Variants in COX7B2 observed in about 807,000 individuals in gnomAD.
The protein encoded by COX7B2 is cytochrome c oxidase subunit 7B2, mitochondrial.
For synonymous variants in COX7B2, 37 were observed against 32.1 expected, an observed-to-expected ratio of 1.15 and a Z score of -0.51; for missense variants, 109 against 95.9, an observed-to-expected ratio of 1.14 and a Z score of -0.57.
intron 2 of COX7B2, among the ~76,000 whole-genome samples, chr4:46,814,014 A>AT (rs2109670517): frequency 6.6e-6 from 1 of 152,336 alleles, no homozygotes; most frequent in Non-Finnish European, 1.5e-5. Flanking sequence ...AAAGGCAATT[A>AT]TCAAAAAGAC....
intron 2 of COX7B2, among the ~76,000 whole-genome samples, chr4:46,812,133 A>T (rs1158642431): frequency 6.6e-6 from 1 of 152,142 alleles, no homozygotes; most frequent in African/African-American, 2.4e-5. Context: ...GGAATATAGG[A>T]CACATATGCT....
chr4:46,804,292 C>T (rs1718850962), intron 2 of COX7B2, among the ~76,000 whole-genome samples: 1 of 152,296 alleles, frequency 6.6e-6, no homozygotes, highest in African/African-American at 2.4e-5. Flanking sequence ...AAGAACGAAG[C>T]TTCCACGGTA....
chr4:46,788,807 G>C (rs1161150427), intron 2 of COX7B2, among the ~76,000 whole-genome samples: 1 of 152,152 alleles, frequency 6.6e-6, no homozygotes, highest in Admixed American at 6.5e-5. Flanking sequence ...TGGAAAACAT[G>C]ATTTCATCTA....
At chr4:46,840,941 A>G (rs913112411) in intron 2 of COX7B2, among the ~76,000 whole-genome samples, 1 of 152,040 alleles carries the variant, frequency 6.6e-6, no homozygotes, top group Non-Finnish European at 1.5e-5. Flanking sequence ...GAAGTACAGA[A>G]GGCTGTCACT....
intron 2 of COX7B2, among the ~76,000 whole-genome samples, chr4:46,834,568 C>G (rs540031025): frequency 1.3e-5 from 2 of 152,088 alleles, no homozygotes; most frequent in Admixed American, 1.3e-4. Flanking sequence ...ATTCAGAAAA[C>G]AAATAAAAAC....
At chr4:46,901,186 A>C (rs1577716529) in intron 1 of COX7B2, among the ~76,000 whole-genome samples, 2 of 152,294 alleles carry the variant, frequency 1.3e-5, no homozygotes. Flanking sequence ...TATTTGTGAT[A>C]TCTTGGGGTG....
Position 46,867,248 on chromosome 4 carries a change from G to A in COX7B2, c.-104-22234C>T, listed in dbSNP as rs116451251. ...CCTACACTCATAAGATCAGCAGGAA[G>A]CAGTTACAGAAGATGGACCTCCACT... On this transcript the variant is annotated intron_variant, in intron 1 of 2. Transcript: ENST00000355591. Among the ~76,000 whole-genome samples the A allele has an allele frequency of 4.5e-3, 680 of 152,300 alleles. 7 individuals are homozygous for A. The highest frequency in any genetic ancestry group is 0.016 in the African/African-American group (659 of 41,558).
At chr4:46,840,533 AGCT>A (rs1715862308) in intron 2 of COX7B2, among the ~76,000 whole-genome samples, 1 of 152,014 alleles carries the variant, frequency 6.6e-6, no homozygotes, top group Non-Finnish European at 1.5e-5. Context: ...GTCAACTAAC[AGCT>A]GCTTCCCCAT....
chr4:46,846,657 G>GA (rs555285927), intron 1 of COX7B2, among the ~76,000 whole-genome samples: 7 of 152,022 alleles, frequency 4.6e-5, no homozygotes, highest in African/African-American at 1.7e-4. Context: ...GGAATGGAAT[G>GA]AAAAAGGGAA....
chr4:46,877,225 A>G (rs185314096), intron 1 of COX7B2, among the ~76,000 whole-genome samples: 58 of 152,348 alleles, frequency 3.8e-4, no homozygotes, highest in Middle Eastern at 3.4e-3. Context: ...AAGTATTACC[A>G]TATTACACAT....
At chr4:46,816,341 A>G (rs1719549976) in intron 2 of COX7B2, among the ~76,000 whole-genome samples, 1 of 152,246 alleles carries the variant, frequency 6.6e-6, no homozygotes, top group Non-Finnish European at 1.5e-5. Flanking sequence ...TCGGCCTTGA[A>G]TGACCCCTCT....
At chr4:46,847,270 G>A (rs1716346257) in intron 1 of COX7B2, among the ~76,000 whole-genome samples, 1 of 151,944 alleles carries the variant, frequency 6.6e-6, no homozygotes, top group South Asian at 2.1e-4. Flanking sequence ...AGATGTATGT[G>A]AAGCAAGCAT....
chr4:46,855,243 T>C (rs1421092236), intron 1 of COX7B2, among the ~76,000 whole-genome samples: 1 of 152,034 alleles, frequency 6.6e-6, no homozygotes, highest in Non-Finnish European at 1.5e-5. Context: ...AGGAAATCGC[T>C]TGAACCCAGG....
At chr4:46,901,289 G>C (rs945784337) in intron 1 of COX7B2, among the ~76,000 whole-genome samples, 1 of 152,158 alleles carries the variant, frequency 6.6e-6, no homozygotes, top group Non-Finnish European at 1.5e-5. Context: ...CGATGGACTT[G>C]ATTCCCACCT....
intron 2 of COX7B2, among the ~76,000 whole-genome samples, chr4:46,752,295 T>C (rs200456342): frequency 0.32 from 47,450 of 148,716 alleles, 7,845 homozygotes; most frequent in South Asian, 0.46. Flanking sequence ...CTGAAGTTGC[T>C]TATCAGCTTA....
chr4:46,776,224 C>A (rs1364602542), intron 2 of COX7B2, among the ~76,000 whole-genome samples: 1 of 151,858 alleles, frequency 6.6e-6, no homozygotes. Flanking sequence ...TAAAAAAATT[C>A]CTTTTAAAGG....
At chr4:46,750,121 A>G (rs553867041) in intron 2 of COX7B2, among the ~76,000 whole-genome samples, 1 of 151,914 alleles carries the variant, frequency 6.6e-6, no homozygotes, top group Admixed American at 6.6e-5. Flanking sequence ...AGCATTTCAG[A>G]AGGCCAAAGT....
At position 46,899,480 on chromosome 4, in the gene COX7B2, C is replaced by G. The variant is rs192719305; in HGVS notation, c.-105+9680G>C. Reference sequence around the variant, plus strand: ...TTTTGATAAAACCCTAAGAGAAAATCTAAATGCACTTCAAGAAGACAGGCT... The same window carrying G: ...TTTTGATAAAACCCTAAGAGAAAATGTAAATGCACTTCAAGAAGACAGGCT... On this transcript the variant is annotated intron_variant, in intron 1 of 2. Coordinates refer to ENST00000355591, the MANE Select transcript of COX7B2 (RefSeq NM_130902.3). 3.6e-3 allele frequency among the ~76,000 whole-genome samples: 542 copies of G among 152,182 alleles called. 2 individuals are homozygous for G. The highest frequency in any genetic ancestry group is 5.7e-3 in the Non-Finnish European group (387 of 67,992).
intron 2 of COX7B2, among the ~76,000 whole-genome samples, chr4:46,782,934 G>A (rs1297858306): frequency 1.3e-5 from 2 of 151,924 alleles, no homozygotes; most frequent in African/African-American, 4.9e-5. Flanking sequence ...AGGGTCCGCG[G>A]CTTCATTCTT....
Sources: gnomAD v4.1 joint callset for allele counts (sites outside exome capture counted in the v4.1 genomes callset) on GRCh38, gnomAD v4.1.1 for gene constraint, MANE v1.5 for transcripts, NCBI Gene and HGNC (gene_info 2026-07-23, HGNC 2026-07-21) for gene names.